Variants in DENND1A observed in about 807,000 individuals in gnomAD.
The protein encoded by DENND1A is DENN domain-containing protein 1A.
Under a neutral mutation model 113.7 loss-of-function variants are expected in DENND1A, and 51 were observed. That is an observed-to-expected ratio of 0.45 (90% confidence interval 0.36 to 0.57). The LOEUF (loss-of-function observed/expected upper bound fraction) is 0.57. Among genes scored for constraint, DENND1A ranks in the 20% least tolerant of loss-of-function variants. The probability of loss-of-function intolerance (pLI) is 0.00; values close to 1 mark genes in which losing one functional copy is unlikely to be tolerated. For synonymous variants in DENND1A, 565 were observed against 570.8 expected, an observed-to-expected ratio of 0.99 and a Z score of 0.14; for missense variants, 1,258 against 1,395.9, an observed-to-expected ratio of 0.90 and a Z score of 1.57.
intron 2 of DENND1A, among the ~76,000 whole-genome samples, chr9:123,832,305 G>A (rs186648583): frequency 2.4e-4 from 36 of 152,214 alleles, no homozygotes; most frequent in African/African-American, 8.4e-4. Flanking sequence ...TCAGGAAAAT[G>A]CAAATTAAAA....
chr9:123,542,484 C>A (rs1174719739), intron 13 of DENND1A, among the ~76,000 whole-genome samples: 1 of 152,088 alleles, frequency 6.6e-6, no homozygotes, highest in African/African-American at 2.4e-5. Context: ...TCTCTGGGAT[C>A]TGGCAGTGCT....
intron 1 of DENND1A, among the ~76,000 whole-genome samples, chr9:123,919,832 A>G (rs899601467): frequency 6.8e-6 from 1 of 146,272 alleles, no homozygotes; most frequent in Non-Finnish European, 1.5e-5. Flanking sequence ...CAGCGTGCCG[A>G]GATTGCATCA....
chr9:123,695,982 CAAA>C (rs59667113), intron 5 of DENND1A, among the ~76,000 whole-genome samples: 1 of 106,550 alleles, frequency 9.4e-6, no homozygotes, highest in African/African-American at 3.1e-5. Context: ...TCTGTTAATA[CAAA>C]AAAAAAAAAA....
intron 16 of DENND1A, among the ~76,000 whole-genome samples, chr9:123,453,211 G>A (rs1280685153): frequency 1.3e-5 from 2 of 152,340 alleles, no homozygotes; most frequent in South Asian, 2.1e-4. Context: ...AGGCAGGACA[G>A]CACAGTAAAT....
chr9:123,553,036 C>A (rs2057198915), intron 13 of DENND1A, among the ~76,000 whole-genome samples: 1 of 152,176 alleles, frequency 6.6e-6, no homozygotes, highest in African/African-American at 2.4e-5. Context: ...GCTGAAGGAT[C>A]ACTCGAGCCC....
At chr9:123,634,530 A>C (rs2061618287) in intron 9 of DENND1A, among the ~76,000 whole-genome samples, 2 of 152,374 alleles carry the variant, frequency 1.3e-5, no homozygotes, top group East Asian at 3.9e-4. Flanking sequence ...GTTTCTAAAA[A>C]TAAAAGTCCT....
rs924690296 is a variant in DENND1A at position 123,724,158 on chromosome 9, A to G, written c.302+33545T>C. On this transcript the variant is annotated intron_variant, in intron 5 of 23. Transcript: ENST00000394215. ...GTGCTCACTCCCATTCTTAGAGTCA[A>G]CTGGGTTGCTCTAATTAACCTGCAT... is the stretch of plus-strand genomic sequence containing the variant. Among the ~76,000 whole-genome samples, 10 of 152,182 alleles carry G rather than the reference A, an allele frequency of 6.6e-5. No homozygotes were observed. The South Asian group carries it at 1.0e-3, about 16-fold the overall frequency.
rs869154918 is a variant in DENND1A at position 123,903,331 on chromosome 9, C to CAAAAAAAAA, written c.18-24319_18-24311dup. Among the ~76,000 whole-genome samples, 23 of 27,018 alleles carry CAAAAAAAAA rather than the reference C, an allele frequency of 8.5e-4. 2 individuals are homozygous for CAAAAAAAAA. The highest frequency in any genetic ancestry group is 2.6e-3 in the African/African-American group (22 of 8,612). The allele number at this position is 27,018 out of a possible 152,430, so 17.7% of individuals were successfully genotyped here. On this transcript the variant is annotated intron_variant, in intron 1 of 23. Coordinates refer to ENST00000394215, the MANE Select transcript of DENND1A (RefSeq NM_001352964.2). The stretch of plus-strand genomic sequence containing the variant: ...TGGGCGACAGAGCGAGACTCCGTCT[C>CAAAAAAAAA]AAAAAAAAAAAAAAAAAAAAAAAAA...
At chr9:123,842,580 A>G (rs1349330863) in intron 2 of DENND1A, among the ~76,000 whole-genome samples, 1 of 152,238 alleles carries the variant, frequency 6.6e-6, no homozygotes, top group Admixed American at 6.5e-5. Flanking sequence ...TGATTTAAGA[A>G]GAAACAGAAA....
chr9:123,663,691 T>G (rs568230394), intron 8 of DENND1A, among the ~76,000 whole-genome samples: 41 of 152,094 alleles, frequency 2.7e-4, no homozygotes, highest in Admixed American at 2.0e-4. Context: ...CTTTCATTTT[T>G]TTCTCTATGT....
At chr9:123,675,769 G>A (rs2064041030) in intron 6 of DENND1A, among the ~76,000 whole-genome samples, 1 of 152,150 alleles carries the variant, frequency 6.6e-6, no homozygotes, top group African/African-American at 2.4e-5. Context: ...TACATTGCTG[G>A]TAAAGGGTAT....
chr9:123,464,055 C>T (rs950690965), intron 13 of DENND1A, among the ~76,000 whole-genome samples: 2 of 152,128 alleles, frequency 1.3e-5, no homozygotes, highest in African/African-American at 4.8e-5. Flanking sequence ...GTACATCTTG[C>T]ACATGTACCC....
At chr9:123,747,999 A>C (rs1348539473) in intron 5 of DENND1A, among the ~76,000 whole-genome samples, 1 of 152,222 alleles carries the variant, frequency 6.6e-6, no homozygotes, top group Non-Finnish European at 1.5e-5. Context: ...CTTTTAAAAA[A>C]ATACCAAGTA....
chr9:123,755,121 A>ATT (rs59565749), intron 5 of DENND1A, among the ~76,000 whole-genome samples: 113 of 132,808 alleles, frequency 8.5e-4, no homozygotes, highest in South Asian at 9.7e-4. Flanking sequence ...TTATACACAG[A>ATT]TTTTTTTTTT....
Position 123,769,401 on chromosome 9 carries a change from G to A in DENND1A, c.182+113C>T. On this transcript the variant is annotated intron_variant, in intron 4 of 23. Transcript: ENST00000394215. ...TATTGCAACTCTCCTTGGAACACAG[G>A]TATCTTAAATCATGGTTAAACAGAC... 5 of 929,136 alleles carry A rather than the reference G, an allele frequency of 5.4e-6. No homozygotes were observed. In the South Asian group the frequency reaches 9.8e-5, roughly 18 times the overall value. The allele number at this position is 929,136 out of a possible 1,614,324, so 57.6% of individuals were successfully genotyped here.
chr9:123,413,669 A>C, intron 19 of DENND1A: 2 of 985,458 alleles, frequency 2.0e-6, no homozygotes, highest in Non-Finnish European at 2.4e-6. Flanking sequence ...GGCTTCCCAG[A>C]TCCTATGCCA....
intron 2 of DENND1A, among the ~76,000 whole-genome samples, chr9:123,808,201 A>G (rs1372572952): frequency 6.6e-6 from 1 of 152,022 alleles, no homozygotes; most frequent in Non-Finnish European, 1.5e-5. Context: ...ACCCCAGCCT[A>G]GGTGACAAGA....
intron 10 of DENND1A, among the ~76,000 whole-genome samples, chr9:123,620,248 A>G (rs2060890498): frequency 6.6e-6 from 1 of 150,972 alleles, no homozygotes; most frequent in Non-Finnish European, 1.5e-5. Flanking sequence ...AGAAAAGAAA[A>G]AGAAAAAAAG....
intron 5 of DENND1A, among the ~76,000 whole-genome samples, chr9:123,694,685 C>A (rs1022908774): frequency 2.0e-5 from 3 of 151,764 alleles, no homozygotes; most frequent in African/African-American, 7.3e-5. Flanking sequence ...ACATCAAAAT[C>A]TCAATTGGAT....
Sources: gnomAD v4.1 joint callset for allele counts (sites outside exome capture counted in the v4.1 genomes callset) on GRCh38, gnomAD v4.1.1 for gene constraint, MANE v1.5 for transcripts, NCBI Gene and HGNC (gene_info 2026-07-23, HGNC 2026-07-21) for gene names.